Variants in DRC11 observed in about 807,000 individuals in gnomAD.
The protein encoded by DRC11 is dynein regulatory complex subunit 11, also known as IQ and AAA domain-containing protein 1.
chr2:236,459,506 C>CAT, the DRC11 span, among the ~76,000 whole-genome samples: 16 of 101,204 alleles, frequency 1.6e-4, no homozygotes, highest in Admixed American at 6.4e-4. Context: ...TATATGTATA[C>CAT]GTATACGTAT....
At chr2:236,307,981 G>A in the DRC11 span, among the ~76,000 whole-genome samples, 4 of 151,420 alleles carry the variant, frequency 2.6e-5, no homozygotes, top group Non-Finnish European at 5.9e-5. This position sits in a 1 kb window ranked among gnomAD's most constrained non-coding sequence, Gnocchi z 7.0. Flanking sequence ...AGTGACACAA[G>A]CGTCCTCGTG....
the DRC11 span, chr2:236,324,933 C>G: frequency 4.9e-5 from 29 of 589,058 alleles, no homozygotes; most frequent in Middle Eastern, 3.6e-4. This position sits in a 1 kb window ranked among gnomAD's most constrained non-coding sequence, Gnocchi z 5.7. Flanking sequence ...AGCTCTTTCT[C>G]AGTGGGTTTT....
At chr2:236,427,792 G>T in the DRC11 span, among the ~76,000 whole-genome samples, 1 of 151,652 alleles carries the variant, frequency 6.6e-6, no homozygotes, top group African/African-American at 2.4e-5. This position sits in a 1 kb window ranked among gnomAD's most constrained non-coding sequence, Gnocchi z 5.9. Flanking sequence ...ATAATAGTTT[G>T]TTTTTCTTTT....
At chr2:236,322,143 C>T in the DRC11 span, among the ~76,000 whole-genome samples, 1 of 152,076 alleles carries the variant, frequency 6.6e-6, no homozygotes, top group Non-Finnish European at 1.5e-5. Flanking sequence ...TGCCTCTGAC[C>T]TAACTCAGCC....
the DRC11 span, chr2:236,344,479 A>C: frequency 1.0e-6 from 1 of 972,774 alleles, no homozygotes. Flanking sequence ...GACCTTCTCA[A>C]AAAGTAGAGG....
chr2:236,471,220 T>G, the DRC11 span, among the ~76,000 whole-genome samples: 1 of 152,174 alleles, frequency 6.6e-6, no homozygotes, highest in Non-Finnish European at 1.5e-5. The surrounding 1 kb of genome is among the most constrained non-coding windows in gnomAD (Gnocchi z 4.6). Context: ...GAGGCATCTA[T>G]TTCTGGAGTC....
chr2:236,353,144 A>T, the DRC11 span, among the ~76,000 whole-genome samples: 1 of 152,330 alleles, frequency 6.6e-6, no homozygotes, highest in Middle Eastern at 3.4e-3. The surrounding 1 kb of genome is among the most constrained non-coding windows in gnomAD (Gnocchi z 5.0). Flanking sequence ...CATTTAAATT[A>T]CCCACAGATA....
the DRC11 span, among the ~76,000 whole-genome samples, chr2:236,333,918 C>T: frequency 6.6e-6 from 1 of 152,174 alleles, no homozygotes; most frequent in East Asian, 1.9e-4. The surrounding 1 kb of genome is among the most constrained non-coding windows in gnomAD (Gnocchi z 6.0). Context: ...TGGAGACCTG[C>T]AGTGAGACCA....
chr2:236,357,488 T>C, the DRC11 span, among the ~76,000 whole-genome samples: 1 of 127,458 alleles, frequency 7.8e-6, no homozygotes, highest in African/African-American at 3.1e-5. Flanking sequence ...ATTTATATAT[T>C]ATAAATACAT....
the DRC11 span, chr2:236,344,676 A>G: frequency 3.3e-6 from 5 of 1,508,210 alleles, no homozygotes; most frequent in Non-Finnish European, 4.6e-6. Context: ...CTGGTTGTAA[A>G]TGCACTTCCC....
chr2:236,439,577 A>G, the DRC11 span, among the ~76,000 whole-genome samples: 1 of 152,104 alleles, frequency 6.6e-6, no homozygotes, highest in Non-Finnish European at 1.5e-5. Flanking sequence ...ATTCTGTACA[A>G]TCCTGTATAA....
chr2:236,482,483 G>T, the DRC11 span, among the ~76,000 whole-genome samples: 3 of 152,154 alleles, frequency 2.0e-5, no homozygotes, highest in Non-Finnish European at 4.4e-5. This position sits in a 1 kb window ranked among gnomAD's most constrained non-coding sequence, Gnocchi z 4.5. Context: ...CAGAAAGGCT[G>T]AGTCCATTTA....
At chr2:236,429,707 C>T in the DRC11 span, among the ~76,000 whole-genome samples, 2 of 151,934 alleles carry the variant, frequency 1.3e-5, no homozygotes, top group East Asian at 1.9e-4. The surrounding 1 kb of genome is among the most constrained non-coding windows in gnomAD (Gnocchi z 5.9). Context: ...CTAGGGAACA[C>T]GAGGGCCACT....
At chr2:236,481,012 G>T in the DRC11 span, among the ~76,000 whole-genome samples, 2 of 152,336 alleles carry the variant, frequency 1.3e-5, no homozygotes, top group East Asian at 3.9e-4. Flanking sequence ...TGGCCCAATG[G>T]GGAAGGTCCC....
At chr2:236,417,559 C>CT in the DRC11 span, among the ~76,000 whole-genome samples, 29,695 of 144,546 alleles carry the variant, frequency 0.21, 3,134 homozygotes, top group Middle Eastern at 0.29. Context: ...GGATCATGAT[C>CT]TTTTTTTTTT....
At chr2:236,349,859 C>T in the DRC11 span, among the ~76,000 whole-genome samples, 9 of 152,170 alleles carry the variant, frequency 5.9e-5, no homozygotes, top group Non-Finnish European at 7.3e-5. This position sits in a 1 kb window ranked among gnomAD's most constrained non-coding sequence, Gnocchi z 5.5. Flanking sequence ...CCTGCACACA[C>T]ACCCCTGAAC....
At chr2:236,319,468 C>A in the DRC11 span, among the ~76,000 whole-genome samples, 5 of 152,160 alleles carry the variant, frequency 3.3e-5, no homozygotes, top group African/African-American at 9.7e-5. This position sits in a 1 kb window ranked among gnomAD's most constrained non-coding sequence, Gnocchi z 6.7. Context: ...GACTACATTT[C>A]TAGGATGCTT....
the DRC11 span, among the ~76,000 whole-genome samples, chr2:236,377,412 A>C: frequency 6.6e-6 from 1 of 152,194 alleles, no homozygotes; most frequent in African/African-American, 2.4e-5. The surrounding 1 kb of genome is among the most constrained non-coding windows in gnomAD (Gnocchi z 4.9). Flanking sequence ...GTTTCCCATT[A>C]ATAAGAACGA....
chr2:236,488,270 C>T, the DRC11 span: 1 of 1,054,368 alleles, frequency 9.5e-7, no homozygotes, highest in East Asian at 2.8e-5. Context: ...CACATGCTTA[C>T]TTCAAACACA....
Sources: gnomAD v4.1 joint callset for allele counts (sites outside exome capture counted in the v4.1 genomes callset) on GRCh38, gnomAD v4.1.1 for gene constraint, Gnocchi (gnomAD v3.1) non-coding constraint, MANE v1.5 for transcripts, NCBI Gene and HGNC (gene_info 2026-07-23, HGNC 2026-07-21) for gene names.